SCHIP1: variants seen among roughly 807,000 people sequenced by gnomAD.
SCHIP1 encodes the protein schwannomin interacting protein 1.
Under a neutral mutation model 29.7 loss-of-function variants are expected in SCHIP1, and 8 were observed. The observed-to-expected ratio is 0.27, with a 90% CI of 0.16 to 0.49. The LOEUF (loss-of-function observed/expected upper bound fraction) is 0.49, where lower values mean the gene tolerates loss of function less well. SCHIP1 is among the 20% of genes least tolerant of loss of function. The pLI is 0.99. For missense variants in SCHIP1, 193 were observed against 294.6 expected (o/e 0.66, Z 2.52); for synonymous variants, 76 against 94.9 (o/e 0.80, Z 1.16).
chr3:159,596,982 T>TAAA, the SCHIP1 span, among the ~76,000 whole-genome samples: 2 of 141,434 alleles, frequency 1.4e-5, no homozygotes, highest in African/African-American at 5.1e-5. Context: ...AAAGCATCTT[T>TAAA]AAAAAAAAAA....
intron 2 of SCHIP1, among the ~76,000 whole-genome samples, chr3:159,874,136 G>C (rs1715543213): frequency 2.0e-5 from 3 of 152,070 alleles, no homozygotes; most frequent in Admixed American, 6.6e-5. Context: ...CCTTTTCTCA[G>C]AGTAACCACG....
At chr3:159,502,220 T>G in the SCHIP1 span, among the ~76,000 whole-genome samples, 1 of 152,182 alleles carries the variant, frequency 6.6e-6, no homozygotes, top group South Asian at 2.1e-4. Flanking sequence ...TCATACTGAT[T>G]ACTTCTGAGG....
At chr3:159,617,518 A>G in the SCHIP1 span, among the ~76,000 whole-genome samples, 1 of 152,196 alleles carries the variant, frequency 6.6e-6, no homozygotes, top group Non-Finnish European at 1.5e-5. Context: ...CATCACACTC[A>G]GATAGACTTT....
At chr3:159,764,312 C>T in the SCHIP1 span, 32 of 1,124,064 alleles carry the variant, frequency 2.8e-5, no homozygotes, top group East Asian at 8.5e-4. This position sits in a 1 kb window ranked among gnomAD's most constrained non-coding sequence, Gnocchi z 6.1. Flanking sequence ...CGCCCCCAGG[C>T]CTCCTTGGGG....
At chr3:159,562,783 A>G in the SCHIP1 span, among the ~76,000 whole-genome samples, 6 of 152,320 alleles carry the variant, frequency 3.9e-5, no homozygotes, top group African/African-American at 1.4e-4. Flanking sequence ...TTAAGGAGAT[A>G]AAATTAATGA....
chr3:159,556,169 G>C, the SCHIP1 span, among the ~76,000 whole-genome samples: 5 of 152,136 alleles, frequency 3.3e-5, no homozygotes, highest in African/African-American at 1.2e-4. Context: ...ATGAAAAAAT[G>C]CTCACCATCA....
chr3:159,447,634 G>T, the SCHIP1 span, among the ~76,000 whole-genome samples: 2 of 152,158 alleles, frequency 1.3e-5, no homozygotes, highest in Non-Finnish European at 2.9e-5. Context: ...TGAGCCCTGA[G>T]AATTCTTCTC....
the SCHIP1 span, among the ~76,000 whole-genome samples, chr3:159,311,169 T>C: frequency 6.6e-6 from 1 of 152,188 alleles, no homozygotes; most frequent in East Asian, 1.9e-4. Flanking sequence ...ATCATAGTCA[T>C]TAGAGCTTCC....
chr3:159,703,808 G>C, the SCHIP1 span, among the ~76,000 whole-genome samples: 5 of 152,168 alleles, frequency 3.3e-5, no homozygotes, highest in African/African-American at 1.2e-4. Context: ...TTGGTCTACA[G>C]GTTGTCATTC....
chr3:159,794,856 TC>T, the SCHIP1 span, among the ~76,000 whole-genome samples: 3 of 152,096 alleles, frequency 2.0e-5, no homozygotes, highest in Admixed American at 6.5e-5. Flanking sequence ...GGGGAAAGGC[TC>T]CTGGCAGTGG....
intron 2 of SCHIP1, among the ~76,000 whole-genome samples, chr3:159,881,808 A>G (rs951994183): frequency 6.6e-6 from 1 of 152,140 alleles, no homozygotes. Context: ...TTAGGATCCT[A>G]TAGGTCAGCT....
chr3:159,576,566 T>C, the SCHIP1 span, among the ~76,000 whole-genome samples: 1 of 152,338 alleles, frequency 6.6e-6, no homozygotes, highest in East Asian at 1.9e-4. Flanking sequence ...TCTTTTTGAA[T>C]AACTCTCCCA....
chr3:159,826,089 A>G, the SCHIP1 span, among the ~76,000 whole-genome samples: 1 of 152,234 alleles, frequency 6.6e-6, no homozygotes. Flanking sequence ...TTTATCCTAA[A>G]TGTTGTGGAA....
At chr3:159,289,451 G>A in the SCHIP1 span, among the ~76,000 whole-genome samples, 8 of 152,008 alleles carry the variant, frequency 5.3e-5, no homozygotes, top group East Asian at 1.9e-4. Flanking sequence ...AGAGGTTTGC[G>A]TATCACAGTC....
At chr3:159,781,360 G>C in the SCHIP1 span, among the ~76,000 whole-genome samples, 1 of 152,114 alleles carries the variant, frequency 6.6e-6, no homozygotes, top group Non-Finnish European at 1.5e-5. Flanking sequence ...ATTTTTAGTA[G>C]AGATGGGGTT....
At chr3:159,580,750 G>A in the SCHIP1 span, among the ~76,000 whole-genome samples, 1 of 152,144 alleles carries the variant, frequency 6.6e-6, no homozygotes, top group Non-Finnish European at 1.5e-5. Flanking sequence ...TGAGATACAA[G>A]TTGTAAGTGT....
chr3:159,353,331 A>C, the SCHIP1 span, among the ~76,000 whole-genome samples: 2 of 152,190 alleles, frequency 1.3e-5, no homozygotes, highest in African/African-American at 4.8e-5. Context: ...AATTAAAAAA[A>C]AAGAGTTTAC....
the SCHIP1 span, chr3:159,399,038 C>T: frequency 1.7e-6 from 1 of 599,556 alleles, no homozygotes; most frequent in Non-Finnish European, 2.1e-6. Context: ...CCCAAACCCT[C>T]ACTCCCCTCC....
chr3:159,634,281 T>C, the SCHIP1 span, among the ~76,000 whole-genome samples: 1 of 152,156 alleles, frequency 6.6e-6, no homozygotes, highest in Non-Finnish European at 1.5e-5. Context: ...AAATGAAGAA[T>C]GGAAGAGGGT....
Sources: gnomAD v4.1 joint callset for allele counts (sites outside exome capture counted in the v4.1 genomes callset) on GRCh38, gnomAD v4.1.1 for gene constraint, Gnocchi (gnomAD v3.1) non-coding constraint, MANE v1.5 for transcripts, NCBI Gene and HGNC (gene_info 2026-07-23, HGNC 2026-07-21) for gene names.